The following RYR1 variants were observed in gnomAD, a reference collection of about 807,000 sequenced individuals.
RYR1 encodes the protein ryanodine receptor 1.
Under a neutral mutation model 583.5 loss-of-function variants are expected in RYR1, and 342 were observed. That is an observed-to-expected ratio of 0.59 (90% CI 0.54 to 0.64). The LOEUF is 0.64. Ranked by LOEUF, RYR1 falls within the 30% of genes least tolerant of loss-of-function variation. The pLI is 0.00. For missense variants in RYR1, 6,032 were observed against 6,917.2 expected (o/e 0.87, Z 4.54); for synonymous variants, 2,791 against 2,822.5 (o/e 0.99, Z 0.35).
chr19:38,487,627 T>C (rs565334707), intron 34 of RYR1, among the ~76,000 whole-genome samples: 1 of 152,096 alleles, frequency 6.6e-6, no homozygotes, highest in Non-Finnish European at 1.5e-5. Context: ...GCTGGAACTA[T>C]AGGCGTGAGC....
At position 38,561,324 on chromosome 19, in the gene RYR1, T is replaced by G. The variant is rs1555798592; in HGVS notation, c.12494T>G (p.Leu4165Arg). Residue 4165 changes from leucine to arginine, a missense_variant, in exon 90 of 106, where the codon CTG becomes CGG. This residue lies in a region of RYR1 where 753 missense variants were observed against 759.6 expected (regional missense o/e 0.99). Coordinates refer to ENST00000359596, the MANE Select transcript of RYR1 (RefSeq NM_000540.3). The surrounding 1 kb of genome is among the most constrained non-coding windows in gnomAD (Gnocchi z 4.8). ...HDPRLHNFLE[L>R]AESILEYFRP... ...CCTCGCCTGCACAACTTCCTGGAGC[T>G]GGCCGAGAGCATCCTTGAGTACTTC... The G allele has an allele frequency of 1.9e-6, 3 of 1,614,048 alleles. No individual in the cohort carries two copies. Among genetic ancestry groups the G allele is most frequent in the Non-Finnish European group, 2.5e-6 (3 of 1,180,032 alleles).
chr19:38,482,419 C>T (rs971463594), intron 31 of RYR1, among the ~76,000 whole-genome samples: 4 of 152,070 alleles, frequency 2.6e-5, no homozygotes, highest in East Asian at 1.9e-4. Flanking sequence ...ACTGGGAAGA[C>T]GGGAGAGGGG....
chr19:38,564,874 A>G, intron 90 of RYR1, 85 bp from the exon 91 acceptor site: 1 of 1,528,870 alleles, frequency 6.5e-7, no homozygotes, highest in Non-Finnish European at 8.8e-7. Context: ...TGCCGCGGTG[A>G]CCCCTTGTAG....
chr19:38,582,954 G>C (rs1208274136), intron 101 of RYR1, among the ~76,000 whole-genome samples: 1 of 152,034 alleles, frequency 6.6e-6, no homozygotes, highest in Non-Finnish European at 1.5e-5. Context: ...ACTTATCTTA[G>C]TTTTTACTCT....
At chr19:38,495,724 T>A (rs1052098083) in intron 39 of RYR1, among the ~76,000 whole-genome samples, 1 of 152,070 alleles carries the variant, frequency 6.6e-6, no homozygotes, top group East Asian at 1.9e-4. Context: ...TCAGTCTCCT[T>A]ATGAGGGAAA....
At chr19:38,487,164 T>TCATC (rs1387193890) in intron 34 of RYR1, among the ~76,000 whole-genome samples, 1 of 152,004 alleles carries the variant, frequency 6.6e-6, no homozygotes, top group African/African-American at 2.4e-5. Context: ...CACCTACCCT[T>TCATC]CATCCATCCA....
chr19:38,532,654 T>G lies in RYR1; in HGVS notation c.11194-17T>G, dbSNP rs1424088079. 2 of 1,614,084 alleles carry G rather than the reference T, an allele frequency of 1.2e-6. No individual in the cohort carries two copies. The highest frequency in any genetic ancestry group is 2.2e-5 in the South Asian group (2 of 91,072). ...GGGTCTGCTTTGTTCATCCCTTAACTGATGCCCCCTCCCCAGAGCTGCCAC... is the reference window on the plus strand; with the variant it reads ...GGGTCTGCTTTGTTCATCCCTTAACGGATGCCCCCTCCCCAGAGCTGCCAC... On this transcript the variant is annotated splice_polypyrimidine_tract_variant and intron_variant, in intron 77 of 105. Coordinates refer to ENST00000359596, the MANE Select transcript of RYR1 (RefSeq NM_000540.3).
At chr19:38,528,011 A>AG in intron 73 of RYR1, 1 of 592,226 alleles carries the variant, frequency 1.7e-6, no homozygotes, top group Non-Finnish European at 3.0e-6. Context: ...CTTTAGGTCT[A>AG]GGGGTGGGGC....
Position 38,505,978 on chromosome 19 carries a change from CACG to C in RYR1, c.8541+34_8541+36del. On this transcript the variant is annotated intron_variant, in intron 54 of 105. Coordinates refer to ENST00000359596, the MANE Select transcript of RYR1 (RefSeq NM_000540.3). ...GCGGGGCCTGGGTGGAGGGCAGGGG[CACG>C]ATGGGGGGAGGGTCTAGAACAAGGG... The C allele has an allele frequency of 4.4e-6, 7 of 1,584,372 alleles. 1 individual carries two copies. The highest frequency in any genetic ancestry group is 6.0e-6 in the Non-Finnish European group (7 of 1,160,756).
At chr19:38,514,043 G>A (rs925787657) in intron 63 of RYR1, among the ~76,000 whole-genome samples, 1 of 152,076 alleles carries the variant, frequency 6.6e-6, no homozygotes, top group African/African-American at 2.4e-5. Flanking sequence ...TGGTGGTTGT[G>A]TCTCTGTAGT....
Position 38,575,910 on chromosome 19 carries a change from TC to T in RYR1, c.14130-8del. The T allele has an allele frequency of 6.2e-7, 1 of 1,614,130 alleles. No homozygotes were observed. Among genetic ancestry groups the T allele is most frequent in the Admixed American group, 1.7e-5 (1 of 60,004 alleles). On this transcript the variant is annotated splice_polypyrimidine_tract_variant and splice_region_variant and intron_variant, in intron 96 of 105. Transcript: ENST00000359596. ...CTTATACTCACGCTTTCTCTCTCTC[TC>T]TCTGCAGGTCTTTCCCTAGCAACTA...
At chr19:38,471,652 G>C (rs148252699) in intron 27 of RYR1, among the ~76,000 whole-genome samples, 105 of 152,194 alleles carry the variant, frequency 6.9e-4, no homozygotes, top group Middle Eastern at 3.4e-3. Flanking sequence ...TGTAATCCCA[G>C]CAGTTTGGGA....
Position 38,472,069 on chromosome 19 carries a change from G to A in RYR1, c.3766-1308G>A, listed in dbSNP as rs1259097955. Among the ~76,000 whole-genome samples, 4 of 152,020 alleles carry A rather than the reference G, an allele frequency of 2.6e-5. No homozygotes were observed. In the South Asian group the frequency reaches 8.3e-4, roughly 32 times the overall value. On this transcript the variant is annotated intron_variant, in intron 27 of 105. Coordinates refer to ENST00000359596, the MANE Select transcript of RYR1 (RefSeq NM_000540.3). ...GAGAACAACTTTCATTGTTTACCGA[G>A]TCTCTAGGAGACTTTTGAGAGTCCA...
intron 31 of RYR1, 26 bp downstream of exon 31, chr19:38,478,626 C>G: frequency 5.0e-6 from 8 of 1,604,880 alleles, no homozygotes; most frequent in Non-Finnish European, 6.8e-6. Context: ...AGCAATTTAG[C>G]GAGAGCATCA....
rs142491855 is a variant in RYR1 at position 38,527,705 on chromosome 19, G to C, written c.10745G>C (p.Arg3582Pro). 6.2e-7 allele frequency: 1 copy of C among 1,614,132 alleles called. No individual in the cohort carries two copies. The highest frequency in any genetic ancestry group is 8.5e-7 in the Non-Finnish European group (1 of 1,180,036). The change falls in exon 73 of 106, where the codon CGC becomes CCC. Residue 3582 changes from arginine to proline, a missense_variant. Physicochemically the swap from Arg to Pro is moderately radical, Grantham distance 103. Around this residue, in one of 11 missense-constraint regions of RYR1, gnomAD observed 1,493 missense variants for 1,715.5 expected, o/e 0.87. Transcript: ENST00000359596. Reference sequence around the variant, plus strand: ...GCTCTGTACCGGGGCGTCCCGGGTCGCGAGGAGGACGCCGATGACCCCGAG... The same window carrying C: ...GCTCTGTACCGGGGCGTCCCGGGTCCCGAGGAGGACGCCGATGACCCCGAG... ...QMALYRGVPG[R>P]EEDADDPEKI...
chr19:38,563,248 T>C (rs1973235830), intron 90 of RYR1, among the ~76,000 whole-genome samples: 1 of 152,188 alleles, frequency 6.6e-6, no homozygotes, highest in South Asian at 2.1e-4. Flanking sequence ...TGGGGCAGTA[T>C]AATAATAGGT....
At chr19:38,555,346 C>T (rs957836665) in intron 89 of RYR1, among the ~76,000 whole-genome samples, 12 of 150,392 alleles carry the variant, frequency 8.0e-5, no homozygotes, top group Non-Finnish European at 3.0e-5. Flanking sequence ...TAGCTACTTG[C>T]GAGGCTGAGG....
chr19:38,579,927 G>T (rs1890401897), intron 99 of RYR1, 55 bp from the exon 100 acceptor site: 9 of 1,612,718 alleles, frequency 5.6e-6, no homozygotes, highest in Non-Finnish European at 7.6e-6. Context: ...ACCCTCCAGA[G>T]TGCTCCTCGT....
chr19:38,486,761 TCCAA>T (rs1270608548), intron 34 of RYR1, among the ~76,000 whole-genome samples: 2 of 152,302 alleles, frequency 1.3e-5, no homozygotes, highest in East Asian at 3.9e-4. Context: ...TATTCATCTA[TCCAA>T]CCAACCATCA....
Sources: allele counts gnomAD v4.1 joint callset (sites outside exome capture counted in the v4.1 genomes callset), GRCh38; gene constraint gnomAD v4.1.1; regional missense constraint gnomAD v4.1.1; non-coding constraint Gnocchi (gnomAD v3.1); transcripts MANE v1.5; gene names NCBI Gene and HGNC (gene_info 2026-07-23, HGNC 2026-07-21).